The following TBC1D5 variants were observed in gnomAD, a reference collection of about 807,000 sequenced individuals.
TBC1D5 encodes TBC1 domain family member 5.
TBC1D5 carries 75 observed loss-of-function variants against 100.3 expected under a neutral mutation model. The ratio of observed to expected loss-of-function variants is 0.75; its 90% CI spans 0.62 to 0.91. The LOEUF is 0.91. Ranked by LOEUF, TBC1D5 falls within the 40% of genes least tolerant of loss-of-function variation. TBC1D5 has a pLI of 0.00. For synonymous variants in TBC1D5, 323 were observed against 325.6 expected, an observed-to-expected ratio of 0.99 and a Z score of 0.09; for missense variants, 910 against 942.4, an observed-to-expected ratio of 0.97 and a Z score of 0.45.
chr3:17,224,585 G>A (rs567858751), intron 17 of TBC1D5, among the ~76,000 whole-genome samples: 141 of 151,882 alleles, frequency 9.3e-4, no homozygotes, highest in African/African-American at 3.3e-3. Context: ...AGACAGCAAG[G>A]GTATAAACTA....
chr3:17,454,092 T>C (rs1330326271), intron 3 of TBC1D5, among the ~76,000 whole-genome samples: 2 of 152,068 alleles, frequency 1.3e-5, no homozygotes, highest in Admixed American at 1.3e-4. Context: ...TAAACGCCTT[T>C]AAAAAACTGG....
intron 13 of TBC1D5, among the ~76,000 whole-genome samples, chr3:17,368,851 A>G (rs1368084552): frequency 6.6e-6 from 1 of 152,110 alleles, no homozygotes; most frequent in African/African-American, 2.4e-5. Flanking sequence ...AATCTGAGAA[A>G]GCAGTTTCAT....
chr3:17,555,290 G>A (rs1306677126), intron 2 of TBC1D5, among the ~76,000 whole-genome samples: 1 of 152,150 alleles, frequency 6.6e-6, no homozygotes, highest in Non-Finnish European at 1.5e-5. Flanking sequence ...AGCCTCAAGA[G>A]GTCCTAAGAA....
At chr3:17,613,490 ACAC>A (rs2061860293) in intron 2 of TBC1D5, among the ~76,000 whole-genome samples, 2 of 152,310 alleles carry the variant, frequency 1.3e-5, no homozygotes, top group African/African-American at 4.8e-5. Flanking sequence ...GAACTAATTT[ACAC>A]TCCCATCAAC....
intron 19 of TBC1D5, among the ~76,000 whole-genome samples, chr3:17,183,576 G>T (rs975710139): frequency 1.3e-5 from 2 of 152,148 alleles, no homozygotes; most frequent in African/African-American, 4.8e-5. Context: ...ATCTACCAGG[G>T]TTTCTCCTGC....
chr3:17,477,196 T>C (rs529285233), intron 3 of TBC1D5, among the ~76,000 whole-genome samples: 3 of 152,102 alleles, frequency 2.0e-5, no homozygotes, highest in Admixed American at 6.5e-5. Flanking sequence ...ATTACAAAAA[T>C]AGATTTTCCC....
intron 2 of TBC1D5, among the ~76,000 whole-genome samples, chr3:17,547,359 A>T (rs1035294297): frequency 6.6e-6 from 1 of 152,188 alleles, no homozygotes. Flanking sequence ...CCCATTTAGA[A>T]GACAAATTAA....
intron 16 of TBC1D5, among the ~76,000 whole-genome samples, chr3:17,244,967 T>C (rs1464986279): frequency 6.7e-6 from 1 of 149,688 alleles, no homozygotes; most frequent in Admixed American, 6.7e-5. Context: ...AGGACAACTG[T>C]TTAAGCCCAG....
At chr3:17,308,438 T>G (rs1401596646) in intron 13 of TBC1D5, among the ~76,000 whole-genome samples, 2 of 152,084 alleles carry the variant, frequency 1.3e-5, no homozygotes, top group Admixed American at 1.3e-4. Flanking sequence ...AATGAATGTT[T>G]AGTAGTCTGG....
At chr3:17,279,894 A>T (rs555207824) in intron 15 of TBC1D5, among the ~76,000 whole-genome samples, 1 of 152,346 alleles carries the variant, frequency 6.6e-6, no homozygotes, top group East Asian at 1.9e-4. Flanking sequence ...TGAACAGATT[A>T]TGTGTCCCTA....
At chr3:17,480,521 G>A (rs1303841040) in intron 3 of TBC1D5, among the ~76,000 whole-genome samples, 1 of 152,194 alleles carries the variant, frequency 6.6e-6, no homozygotes, top group African/African-American at 2.4e-5. Context: ...ACCAGCTACG[G>A]GAAGGAGTTA....
chr3:17,476,327 G>C (rs1350708001), intron 3 of TBC1D5, among the ~76,000 whole-genome samples: 2 of 151,944 alleles, frequency 1.3e-5, no homozygotes, highest in African/African-American at 4.8e-5. Flanking sequence ...TAAGATGTGA[G>C]AAAATAATTC....
intron 13 of TBC1D5, among the ~76,000 whole-genome samples, chr3:17,340,273 G>C (rs1038490950): frequency 1.3e-5 from 2 of 152,184 alleles, no homozygotes; most frequent in Non-Finnish European, 2.9e-5. Flanking sequence ...CAAATGTTCA[G>C]TTTGAGAAGT....
At chr3:17,270,339 T>A (rs538419655) in intron 15 of TBC1D5, among the ~76,000 whole-genome samples, 1 of 152,260 alleles carries the variant, frequency 6.6e-6, no homozygotes, top group South Asian at 2.1e-4. Context: ...TTTAATGGAT[T>A]TTTTTCCCTT....
At chr3:17,612,410 C>T (rs545005800) in intron 2 of TBC1D5, among the ~76,000 whole-genome samples, 227 of 151,610 alleles carry the variant, frequency 1.5e-3, no homozygotes, top group African/African-American at 5.2e-3. Flanking sequence ...AGTGGATCAC[C>T]GGAGGTCAGG....
intron 2 of TBC1D5, among the ~76,000 whole-genome samples, chr3:17,509,141 C>T (rs1333793831): frequency 6.6e-6 from 1 of 151,646 alleles, no homozygotes; most frequent in Non-Finnish European, 1.5e-5. Context: ...TCTATGAATA[C>T]TTTAAATTCA....
intron 3 of TBC1D5, among the ~76,000 whole-genome samples, chr3:17,485,583 C>G (rs898367170): frequency 6.7e-6 from 1 of 149,034 alleles, no homozygotes; most frequent in Non-Finnish European, 1.5e-5. Context: ...TGAGTGAGAA[C>G]ATGCGGTGTT....
intron 15 of TBC1D5, among the ~76,000 whole-genome samples, chr3:17,268,574 T>C (rs896252180): frequency 6.6e-5 from 10 of 152,112 alleles, no homozygotes; most frequent in Non-Finnish European, 1.3e-4. Context: ...AATTTTAAAG[T>C]AGTAATGAAT....
rs143204683 is a variant in TBC1D5, at chr3:17,304,469, G to A, written c.1138+3523C>T. Among the ~76,000 whole-genome samples, 6 of 152,224 alleles carry A rather than the reference G, an allele frequency of 3.9e-5. No individual in the cohort carries two copies. In the East Asian group the frequency reaches 7.7e-4, roughly 20 times the overall value. On this transcript the variant is annotated intron_variant, in intron 14 of 21. Transcript: ENST00000253692. ...CACCCACACTCTGGAGTGCAGAGGC[G>A]CAATCACGGCTCACTGCAGCCTTGA... is the stretch of plus-strand genomic sequence containing the variant.
Sources: allele counts gnomAD v4.1 joint callset (sites outside exome capture counted in the v4.1 genomes callset), GRCh38; gene constraint gnomAD v4.1.1; transcripts MANE v1.5; gene names NCBI Gene and HGNC (gene_info 2026-07-23, HGNC 2026-07-21).